RAP1A: variants seen among roughly 807,000 people sequenced by gnomAD.
RAP1A encodes RAP1A, member of RAS oncogene family.
A neutral mutation model predicts 26.4 loss-of-function variants in RAP1A; 6 were observed. That is an observed-to-expected ratio of 0.23 (90% CI 0.12 to 0.45). The LOEUF is 0.45. RAP1A is among the 20% of genes least tolerant of loss of function. The pLI, the probability that RAP1A is intolerant of heterozygous loss-of-function variation, is 0.99. For missense variants in RAP1A, 121 were observed against 217.2 expected, an observed-to-expected ratio of 0.56 and a Z score of 2.78; for synonymous variants, 73 against 79.4, an observed-to-expected ratio of 0.92 and a Z score of 0.43.
intron 2 of RAP1A, among the ~76,000 whole-genome samples, chr1:111,692,072 C>T (rs1661687938): frequency 6.6e-6 from 1 of 152,092 alleles, no homozygotes; most frequent in African/African-American, 2.4e-5. Flanking sequence ...TTTATGGAAG[C>T]TTGGATTAGG....
At chr1:111,612,056 C>A (rs1246288796) in intron 1 of RAP1A, among the ~76,000 whole-genome samples, 3 of 149,634 alleles carry the variant, frequency 2.0e-5, no homozygotes, top group African/African-American at 7.4e-5. Flanking sequence ...TAATTCACAT[C>A]TACAAAACTA....
intron 1 of RAP1A, among the ~76,000 whole-genome samples, chr1:111,596,895 G>A (rs1557860884): frequency 1.3e-5 from 2 of 152,228 alleles, no homozygotes; most frequent in African/African-American, 4.8e-5. Flanking sequence ...AGCTTTCAAT[G>A]TATTGATTTG....
Position 111,621,929 on chromosome 1 carries a change from G to A in RAP1A, c.-28+1995G>A, listed in dbSNP as rs184774127. On this transcript the variant is annotated intron_variant, in intron 1 of 7. Transcript: ENST00000369709. ...TATCTACACTTAATATACCCCAGAA[G>A]ACAGGTATATTCATATACGTTGTTC... Among the ~76,000 whole-genome samples, 5 of 152,248 alleles carry A rather than the reference G, an allele frequency of 3.3e-5. No homozygotes were observed. In the East Asian group the frequency reaches 9.6e-4, roughly 29 times the overall value.
chr1:111,565,629 T>C (rs977275670), intron 1 of RAP1A, among the ~76,000 whole-genome samples: 3 of 152,230 alleles, frequency 2.0e-5, no homozygotes, highest in African/African-American at 7.2e-5. Context: ...AAATGTTTAA[T>C]ATTAATTAAT....
At chr1:111,576,016 C>G (rs1284125765) in intron 1 of RAP1A, among the ~76,000 whole-genome samples, 1 of 152,168 alleles carries the variant, frequency 6.6e-6, no homozygotes, top group Non-Finnish European at 1.5e-5. Flanking sequence ...CCTTGGGGGA[C>G]AGAGAAAACT....
At chr1:111,552,851 C>T (rs1657324161) in intron 1 of RAP1A, among the ~76,000 whole-genome samples, 1 of 152,182 alleles carries the variant, frequency 6.6e-6, no homozygotes, top group Non-Finnish European at 1.5e-5. Context: ...TGAGTTAACA[C>T]TTGTCAAGTG....
chr1:111,591,498 A>G (rs1303594599), intron 1 of RAP1A, among the ~76,000 whole-genome samples: 1 of 152,220 alleles, frequency 6.6e-6, no homozygotes, highest in Non-Finnish European at 1.5e-5. Context: ...GTTTTGGAAT[A>G]TATTTCATTA....
intron 1 of RAP1A, among the ~76,000 whole-genome samples, chr1:111,587,173 G>A (rs1304993500): frequency 2.0e-5 from 3 of 152,058 alleles, no homozygotes; most frequent in Non-Finnish European, 2.9e-5. Flanking sequence ...GTGGCTACAA[G>A]CAATTATATA....
intron 1 of RAP1A, among the ~76,000 whole-genome samples, chr1:111,566,887 G>C (rs1236492583): frequency 2.6e-5 from 4 of 150,960 alleles, no homozygotes; most frequent in African/African-American, 4.9e-5. Flanking sequence ...TTTTTTGGAG[G>C]GGGGAGGAGG....
At chr1:111,675,478 AC>A (rs1661100105) in intron 1 of RAP1A, among the ~76,000 whole-genome samples, 1 of 116,590 alleles carries the variant, frequency 8.6e-6, no homozygotes, top group African/African-American at 2.6e-5. Context: ...TCTAAAAAAA[AC>A]AAAACAAAAA....
intron 1 of RAP1A, among the ~76,000 whole-genome samples, chr1:111,555,082 C>G (rs1657427237): frequency 6.6e-6 from 1 of 151,914 alleles, no homozygotes; most frequent in South Asian, 2.1e-4. Flanking sequence ...AATGATCAGG[C>G]AGGCGGGGCA....
At chr1:111,586,939 G>A (rs1571484778) in intron 1 of RAP1A, among the ~76,000 whole-genome samples, 2 of 152,122 alleles carry the variant, frequency 1.3e-5, no homozygotes, top group Non-Finnish European at 2.9e-5. Context: ...AGCCTCTGCT[G>A]ACCTCTCATG....
intron 1 of RAP1A, among the ~76,000 whole-genome samples, chr1:111,568,470 G>T (rs2364817): frequency 0.91 from 139,160 of 152,132 alleles, 63,700 homozygotes; most frequent in East Asian, 0.94. Flanking sequence ...AAACCATTCA[G>T]GAGGGATCCA....
chr1:111,628,556 A>G (rs1017316861), intron 1 of RAP1A, among the ~76,000 whole-genome samples: 2 of 152,254 alleles, frequency 1.3e-5, no homozygotes, highest in African/African-American at 2.4e-5. Flanking sequence ...ATGACTTGAT[A>G]AAAGCATTCA....
chr1:111,679,517 C>CT (rs916713895), intron 1 of RAP1A, among the ~76,000 whole-genome samples: 37 of 151,378 alleles, frequency 2.4e-4, no homozygotes, highest in Admixed American at 2.1e-3. Flanking sequence ...CTTTTCTTTT[C>CT]TTTTTTTTTG....
intron 1 of RAP1A, among the ~76,000 whole-genome samples, chr1:111,680,966 G>A (rs1225979738): frequency 6.6e-6 from 1 of 152,212 alleles, no homozygotes; most frequent in African/African-American, 2.4e-5. Flanking sequence ...ACTGAAAACT[G>A]CTGGGTGTGG....
upstream of RAP1A, among the ~76,000 whole-genome samples, chr1:111,618,284 A>T (rs1036661444): frequency 1.7e-4 from 26 of 152,106 alleles, no homozygotes; most frequent in African/African-American, 5.6e-4. Flanking sequence ...CAGCAACTTC[A>T]TCAGGCCACA....
intron 1 of RAP1A, among the ~76,000 whole-genome samples, chr1:111,656,372 T>G (rs910272134): frequency 6.6e-6 from 1 of 152,202 alleles, no homozygotes; most frequent in African/African-American, 2.4e-5. Context: ...GATTAATAAG[T>G]ATCTACTATA....
intron 1 of RAP1A, among the ~76,000 whole-genome samples, chr1:111,670,079 T>C (rs1557885559): frequency 6.6e-6 from 1 of 152,218 alleles, no homozygotes; most frequent in South Asian, 2.1e-4. Flanking sequence ...AGTTTTTTTT[T>C]GTTCTCACTA....
Sources: gnomAD v4.1 joint callset for allele counts (sites outside exome capture counted in the v4.1 genomes callset) on GRCh38, gnomAD v4.1.1 for gene constraint, MANE v1.5 for transcripts, NCBI Gene and HGNC (gene_info 2026-07-23, HGNC 2026-07-21) for gene names.